TP53BP2: variants seen among roughly 807,000 people sequenced by gnomAD.
TP53BP2 encodes the protein apoptosis-stimulating of p53 protein 2.
Under a neutral mutation model 126.2 loss-of-function variants are expected in TP53BP2, and 62 were observed. That is an observed-to-expected ratio of 0.49 (90% CI 0.40 to 0.61). The LOEUF (loss-of-function observed/expected upper bound fraction) is 0.61, where lower values mean the gene tolerates loss of function less well. Ranked by LOEUF, TP53BP2 falls within the 20% of genes least tolerant of loss-of-function variation. TP53BP2 has a pLI of 0.00. For missense variants in TP53BP2, 1,215 were observed against 1,402.8 expected (o/e 0.87, Z 2.14); for synonymous variants, 485 against 502.9 (o/e 0.96, Z 0.48).
intron 16 of TP53BP2, among the ~76,000 whole-genome samples, chr1:223,785,833 C>T (rs1239456465): frequency 1.3e-5 from 2 of 152,096 alleles, no homozygotes; most frequent in African/African-American, 4.8e-5. Context: ...CAAACGAAAG[C>T]TACGAGGTAT....
intron 3 of TP53BP2, among the ~76,000 whole-genome samples, chr1:223,811,258 A>G (rs763309968): frequency 4.6e-5 from 7 of 152,142 alleles, no homozygotes; most frequent in Non-Finnish European, 1.0e-4. Flanking sequence ...ACCAACAGAG[A>G]ATTTTAAAAA....
At chr1:223,811,034 G>T (rs1662893032) in intron 3 of TP53BP2, among the ~76,000 whole-genome samples, 1 of 152,004 alleles carries the variant, frequency 6.6e-6, no homozygotes, top group Admixed American at 6.6e-5. Flanking sequence ...AACATTTTGT[G>T]GTAATTTGTA....
At chr1:223,843,082 T>C (rs1406683543) in intron 1 of TP53BP2, among the ~76,000 whole-genome samples, 1 of 152,256 alleles carries the variant, frequency 6.6e-6, no homozygotes, top group African/African-American at 2.4e-5. Context: ...CTTCCACTTT[T>C]GGTTTTGGAT....
intron 13 of TP53BP2, among the ~76,000 whole-genome samples, chr1:223,794,478 T>G (rs1195766040): frequency 2.0e-5 from 3 of 152,236 alleles, no homozygotes; most frequent in Non-Finnish European, 4.4e-5. Flanking sequence ...TTGCTTCTAT[T>G]TTACTTAAAT....
intron 1 of TP53BP2, among the ~76,000 whole-genome samples, chr1:223,833,884 C>T (rs1486552810): frequency 1.3e-5 from 2 of 152,130 alleles, no homozygotes; most frequent in Non-Finnish European, 2.9e-5. Flanking sequence ...CACAAATGAG[C>T]ATGGTATATA....
intron 14 of TP53BP2, 145 bp downstream of exon 14, chr1:223,793,158 T>C (rs376180269): frequency 4.3e-6 from 3 of 692,404 alleles, no homozygotes; most frequent in East Asian, 3.3e-5. Flanking sequence ...AATTTTAAAA[T>C]ACAATTTCTC....
Position 223,831,478 on chromosome 1 carries a change from AAAATATATATATATAT to A in TP53BP2, c.28-10127_28-10112del, listed in dbSNP as rs1310284565. ...CATATGTACCATCTAAAAAAAAAAA[AAAATATATATATATAT>A]ATATATATATATATATATATATACT... On this transcript the variant is annotated intron_variant, in intron 1 of 17. Transcript: ENST00000343537. 7.8e-3 allele frequency among the ~76,000 whole-genome samples: 338 copies of A among 43,612 alleles called. 9 individuals carry two copies. Among genetic ancestry groups the A allele is most frequent in the African/African-American group, 0.019 (259 of 13,390 alleles). 28.6% of individuals were successfully genotyped at this position (43,612 alleles called of 152,430 possible).
intron 1 of TP53BP2, among the ~76,000 whole-genome samples, chr1:223,824,591 T>G (rs1357478020): frequency 6.6e-6 from 1 of 152,162 alleles, no homozygotes; most frequent in Non-Finnish European, 1.5e-5. Flanking sequence ...AAATGAGTCT[T>G]TAAGTTCCCC....
In TP53BP2 at chr1:223,800,658, G is replaced by T; in HGVS notation, c.1336+42C>A. 2.0e-6 allele frequency: 3 copies of T among 1,466,704 alleles called. No homozygotes were observed. The South Asian group carries it at 3.7e-5, about 18-fold the overall frequency. 90.9% of individuals were successfully genotyped at this position (1,466,704 alleles called of 1,614,324 possible). On this transcript the variant is annotated intron_variant, in intron 10 of 17. Coordinates refer to ENST00000343537, the MANE Select transcript of TP53BP2 (RefSeq NM_001031685.3). ...AAAGAATACACAGCACCTTTCAGATGACCAAAATTTAATGTTCAAGAGTAG... is the reference window on the plus strand; with the variant it reads ...AAAGAATACACAGCACCTTTCAGATTACCAAAATTTAATGTTCAAGAGTAG...
Position 223,795,898 on chromosome 1 carries a change from G to C in TP53BP2, c.2641C>G (p.Pro881Ala). Reference protein sequence around the residue: ...EYPPYPPPPYPSGEPEGPGED... With the variant: ...EYPPYPPPPYASGEPEGPGED... ...CCGGGCCCTTCAGGCTCCCCAGATG[G>C]GTATGGTGGGGGTGGGTATGGAGGG... The change falls in exon 13 of 18, where the codon CCA becomes GCA. Residue 881 changes from proline to alanine, a missense_variant. Coordinates refer to ENST00000343537, the MANE Select transcript of TP53BP2 (RefSeq NM_001031685.3). 1.2e-6 allele frequency: 2 copies of C among 1,612,736 alleles called. No homozygotes were observed. The highest frequency in any genetic ancestry group is 1.7e-6 in the Non-Finnish European group (2 of 1,179,416).
At chr1:223,836,994 C>T (rs923326227) in intron 1 of TP53BP2, among the ~76,000 whole-genome samples, 1 of 152,066 alleles carries the variant, frequency 6.6e-6, no homozygotes, top group Non-Finnish European at 1.5e-5. Flanking sequence ...CTACATATCA[C>T]AAACTAAGCA....
Position 223,795,945 on chromosome 1 carries a change from A to G in TP53BP2, c.2594T>C (p.Leu865Pro), listed in dbSNP as rs757274869. Residue 865 changes from leucine (L) to proline (P), a missense_variant, in exon 13 of 18, where the codon CTT (leucine) becomes CCT (proline). Physicochemically the swap from Leu to Pro is moderately conservative, Grantham distance 98. Coordinates refer to ENST00000343537, the MANE Select transcript of TP53BP2 (RefSeq NM_001031685.3). The stretch of plus-strand genomic sequence containing the variant: ...AGGGTACTCCTCCAGGTACACATCA[A>G]GCACATGTGGAGCCTCTGGATTTGG... ...EEPNPEAPHV[L>P]DVYLEEYPPY... 1 of 1,614,128 alleles carries G rather than the reference A, an allele frequency of 6.2e-7. No homozygotes were observed. Among genetic ancestry groups the G allele is most frequent in the South Asian group, 1.1e-5 (1 of 91,056 alleles).
intron 3 of TP53BP2, among the ~76,000 whole-genome samples, chr1:223,812,612 G>A (rs1332669616): frequency 6.6e-6 from 1 of 152,098 alleles, no homozygotes; most frequent in Non-Finnish European, 1.5e-5. Context: ...CCAGGCTGCA[G>A]TGCGTGGTGC....
At chr1:223,813,685 G>A (rs1040791385) in intron 3 of TP53BP2, among the ~76,000 whole-genome samples, 1 of 152,120 alleles carries the variant, frequency 6.6e-6, no homozygotes, top group East Asian at 1.9e-4. Flanking sequence ...CACCACTGGA[G>A]AAAAATCATG....
intron 17 of TP53BP2, among the ~76,000 whole-genome samples, chr1:223,783,043 T>G (rs1153942): frequency 0.89 from 135,563 of 152,194 alleles, 60,625 homozygotes; most frequent in African/African-American, 0.97. Flanking sequence ...TCATTTCAAG[T>G]AATCCCATTG....
At chr1:223,790,931 AAAT>A (rs1194797439) in intron 15 of TP53BP2, among the ~76,000 whole-genome samples, 2 of 152,194 alleles carry the variant, frequency 1.3e-5, no homozygotes, top group African/African-American at 2.4e-5. Flanking sequence ...ATAGTTTGGC[AAAT>A]ATTACTATAG....
intron 3 of TP53BP2, among the ~76,000 whole-genome samples, chr1:223,812,708 T>C (rs914642709): frequency 6.6e-6 from 1 of 151,926 alleles, no homozygotes; most frequent in Non-Finnish European, 1.5e-5. Flanking sequence ...CACAGGCACA[T>C]GCCACCATGC....
At position 223,806,845 on chromosome 1, in the gene TP53BP2, C is replaced by T; in HGVS notation, c.474+1G>A. 6.2e-7 allele frequency: 1 copy of T among 1,613,016 alleles called. No homozygotes were observed. The highest frequency in any genetic ancestry group is 8.5e-7 in the Non-Finnish European group (1 of 1,179,310). ...TCTCCAAAAAAAAAGGACGATACTACCTTAGTTGCCAGCAATTGTTGCTGG... is the reference window on the plus strand; with the variant it reads ...TCTCCAAAAAAAAAGGACGATACTATCTTAGTTGCCAGCAATTGTTGCTGG... On this transcript the variant is annotated splice_donor_variant, in intron 5 of 17. Coordinates refer to ENST00000343537, the MANE Select transcript of TP53BP2 (RefSeq NM_001031685.3). LOFTEE classifies it high-confidence loss of function.
intron 16 of TP53BP2, among the ~76,000 whole-genome samples, chr1:223,786,830 T>C (rs543372643): frequency 3.9e-4 from 59 of 152,002 alleles, no homozygotes; most frequent in African/African-American, 1.3e-3. Flanking sequence ...ATGGTCTCGA[T>C]CTCCTGACCT....
Sources: gnomAD v4.1 joint callset for allele counts (sites outside exome capture counted in the v4.1 genomes callset) on GRCh38, gnomAD v4.1.1 for gene constraint, MANE v1.5 for transcripts, NCBI Gene and HGNC (gene_info 2026-07-23, HGNC 2026-07-21) for gene names.